Variants in SLC25A18 observed in about 807,000 individuals in gnomAD.
SLC25A18 encodes the protein solute carrier family 25 member 18, also known as mitochondrial glutamate carrier 2.
In SLC25A18, 24 loss-of-function variants were observed where a neutral mutation model predicts 31.1. That is an observed-to-expected ratio of 0.77 (90% CI 0.56 to 1.08). The LOEUF is 1.08. Among genes scored for constraint, SLC25A18 ranks in the 50% least tolerant of loss-of-function variants. The pLI, the probability that SLC25A18 is intolerant of heterozygous loss-of-function variation, is 0.00. For missense variants in SLC25A18, 371 were observed against 418.5 expected (o/e 0.89, Z 0.99); for synonymous variants, 173 against 161.9 (o/e 1.07, Z -0.52).
rs762940522 is a variant in SLC25A18 at position 17,587,999 on chromosome 22, G to C, written c.650G>C (p.Gly217Ala). Reference sequence around the variant, plus strand: ...AACCTGGGGTTCAACGAGCTCGCCGGTAAGGCGTCCTTTGCACATTCCTTC... The same window carrying C: ...AACCTGGGGTTCAACGAGCTCGCCGCTAAGGCGTCCTTTGCACATTCCTTC... ...LNNLGFNELA[G>A]KASFAHSFVS... The change falls in exon 9 of 11, where the codon GGT (glycine) becomes GCT (alanine). Residue 217 changes from glycine (G) to alanine (A), a missense_variant. Coordinates refer to ENST00000327451, the MANE Select transcript of SLC25A18 (RefSeq NM_031481.3). The C allele has an allele frequency of 1.2e-6, 2 of 1,614,212 alleles. No individual in the cohort carries two copies. The highest frequency in any genetic ancestry group is 2.2e-5 in the South Asian group (2 of 91,084).
chr22:17,584,909 C>T (rs907227779), intron 7 of SLC25A18, among the ~76,000 whole-genome samples: 2 of 151,310 alleles, frequency 1.3e-5, no homozygotes, highest in African/African-American at 4.9e-5. Context: ...GAGAATCATT[C>T]CCATTCTTTT....
chr22:17,576,254 A>AG, intron 2 of SLC25A18, among the ~76,000 whole-genome samples: 1 of 152,166 alleles, frequency 6.6e-6, no homozygotes, highest in South Asian at 2.1e-4. Flanking sequence ...CAGGAGGCTG[A>AG]GGCAGGAGAA....
intron 9 of SLC25A18, chr22:17,588,409 G>A: frequency 3.8e-6 from 1 of 266,108 alleles, no homozygotes; most frequent in South Asian, 4.5e-5. Context: ...CACTTTGGGA[G>A]CCCAGCACTT....
At chr22:17,565,912 C>G (rs2056925085) in intron 1 of SLC25A18, among the ~76,000 whole-genome samples, 1 of 152,030 alleles carries the variant, frequency 6.6e-6, no homozygotes, top group Admixed American at 6.6e-5. Context: ...AGGCTGGTCT[C>G]AAACTCCCAG....
At position 17,579,907 on chromosome 22, in the gene SLC25A18, C is replaced by T. The variant is rs765807885; in HGVS notation, c.-38C>T. On this transcript the variant is annotated 5_prime_UTR_variant, in exon 3 of 11. The change creates a premature stop within an existing upstream ORF in the 5' untranslated region. Transcript: ENST00000327451. ...CCCAACAGCGGCTACCCCAAGGAGC[C>T]AGCAGCCTTGTGTCCTGGGATCCCC... The T allele has an allele frequency of 3.0e-5, 48 of 1,603,958 alleles. No individual in the cohort carries two copies. In the Middle Eastern group the frequency reaches 6.6e-4, roughly 22 times the overall value.
At chr22:17,565,412 T>TA (rs2056910971) in intron 1 of SLC25A18, among the ~76,000 whole-genome samples, 1 of 152,006 alleles carries the variant, frequency 6.6e-6, no homozygotes, top group Admixed American at 6.6e-5. Flanking sequence ...AGATAGGGTC[T>TA]TGCCAAGTTG....
At position 17,588,096 on chromosome 22, in the gene SLC25A18, C is replaced by T. The variant is rs369071653; in HGVS notation, c.730+17C>T. On this transcript the variant is annotated intron_variant, in intron 9 of 10. Transcript: ENST00000327451. Reference sequence around the variant, plus strand: ...CTCTAGATGGTAAGGAGTTGGGAGACGTGTCCTTTCTATGGGATAAACAGT... The same window carrying T: ...CTCTAGATGGTAAGGAGTTGGGAGATGTGTCCTTTCTATGGGATAAACAGT... 5.6e-6 allele frequency: 9 copies of T among 1,613,414 alleles called. No homozygotes were observed. The highest frequency in any genetic ancestry group is 3.3e-5 in the South Asian group (3 of 90,966).
chr22:17,582,300 C>T (rs975432746), intron 5 of SLC25A18: 5 of 265,686 alleles, frequency 1.9e-5, no homozygotes, highest in Admixed American at 1.0e-4. Flanking sequence ...GGCGCGAACC[C>T]GGGAGGCGGA....
intron 7 of SLC25A18, among the ~76,000 whole-genome samples, chr22:17,586,010 T>C (rs1213538032): frequency 6.6e-6 from 1 of 152,108 alleles, no homozygotes; most frequent in African/African-American, 2.4e-5. Flanking sequence ...ATTGAACTTA[T>C]CAAATGATAG....
At chr22:17,572,896 C>T (rs145002122) in intron 2 of SLC25A18, among the ~76,000 whole-genome samples, 9,398 of 152,022 alleles carry the variant, frequency 0.062, 928 homozygotes, top group African/African-American at 0.22. Context: ...CCGCCTCGGC[C>T]TCCCGAAGTG....
At chr22:17,582,744 C>T in intron 6 of SLC25A18, 91 bp downstream of exon 6, 1 of 1,118,850 alleles carries the variant, frequency 8.9e-7, no homozygotes. Context: ...CTCAGTATAC[C>T]TGCCTGCATG....
chr22:17,587,262 T>C lies in SLC25A18; in HGVS notation c.536T>C (p.Leu179Pro). The change falls in exon 8 of 11, where the codon CTG becomes CCG. Residue 179 changes from leucine to proline, a missense_variant. Transcript: ENST00000327451. ...TGGGAGCTGCTCCGCACTCAGGGCC[T>C]GGCTGGGCTCTACAGGGGCCTGGGT... ...IAWELLRTQGLAGLYRGLGAT... is the reference protein window; with the variant it reads ...IAWELLRTQGPAGLYRGLGAT... 1.2e-6 allele frequency: 2 copies of C among 1,613,914 alleles called. No individual in the cohort carries two copies. The highest frequency in any genetic ancestry group is 1.7e-6 in the Non-Finnish European group (2 of 1,180,024).
rs374449964 is a variant in SLC25A18, at chr22:17,586,090, T to C, written c.410-1046T>C. On this transcript the variant is annotated intron_variant, in intron 7 of 10. Coordinates refer to ENST00000327451, the MANE Select transcript of SLC25A18 (RefSeq NM_031481.3). ...GTGGGAAGGACCTGCTCACCTTATC[T>C]TGGAGGACGAGCAGGAGGAGGTGAC... Among the ~76,000 whole-genome samples the C allele has an allele frequency of 3.9e-5, 6 of 152,294 alleles. No individual in the cohort carries two copies. The East Asian group carries it at 7.7e-4, about 20-fold the overall frequency.
In SLC25A18 at chr22:17,580,978, G is replaced by T. The variant is rs371760308; in HGVS notation, c.21-59G>T. 1,071 of 1,492,922 alleles carry T rather than the reference G, an allele frequency of 7.2e-4. 10 individuals are homozygous for T. Among genetic ancestry groups the T allele is most frequent in the East Asian group, 2.6e-3 (103 of 40,096 alleles). 92.5% of individuals were successfully genotyped at this position (1,492,922 alleles called of 1,614,324 possible). The stretch of plus-strand genomic sequence containing the variant: ...CCCCTGCCCATTCCTGGCTGCATCC[G>T]CTCCCTAACCTGCCCCTCCCTCTGC... On this transcript the variant is annotated intron_variant, in intron 3 of 10. Transcript: ENST00000327451.
At chr22:17,573,180 G>C (rs2057143220) in intron 2 of SLC25A18, among the ~76,000 whole-genome samples, 1 of 152,154 alleles carries the variant, frequency 6.6e-6, no homozygotes, top group South Asian at 2.1e-4. Flanking sequence ...AAAGGGAGCA[G>C]ATGTTCATTA....
At chr22:17,587,577 T>G (rs1169707541) in intron 8 of SLC25A18, among the ~76,000 whole-genome samples, 1 of 152,188 alleles carries the variant, frequency 6.6e-6, no homozygotes, top group East Asian at 1.9e-4. Flanking sequence ...AAGCCCTGTC[T>G]ACAGAGGACC....
chr22:17,581,886 C>G (rs1170494277), intron 5 of SLC25A18: 1 of 167,768 alleles, frequency 6.0e-6, no homozygotes, highest in Non-Finnish European at 1.3e-5. Context: ...AACACAAACC[C>G]TAGACAGCCC....
Position 17,572,974 on chromosome 22 carries a change from G to C in SLC25A18, c.-201+2988G>C, listed in dbSNP as rs145754164. Among the ~76,000 whole-genome samples the C allele has an allele frequency of 4.1e-3, 622 of 152,194 alleles. 4 individuals carry two copies. The highest frequency in any genetic ancestry group is 0.014 in the African/African-American group (594 of 41,516). The stretch of plus-strand genomic sequence containing the variant: ...ATAATTTTTTAAAAATTAACCGGGC[G>C]TGATGGTGCACACCTGTAGTCTCAA... On this transcript the variant is annotated intron_variant, in intron 2 of 10. Transcript: ENST00000327451.
In SLC25A18 at chr22:17,584,781, CAAAAAAAAA is replaced by C. The variant is rs66948770; in HGVS notation, c.409+1266_409+1274del. Among the ~76,000 whole-genome samples the C allele has an allele frequency of 3.6e-3, 73 of 20,066 alleles. 1 individual carries two copies. Among genetic ancestry groups the C allele is most frequent in the African/African-American group, 8.0e-3 (59 of 7,364 alleles). The allele number at this position is 20,066 out of a possible 152,430, so 13.2% of individuals were successfully genotyped here. The stretch of plus-strand genomic sequence containing the variant: ...GGAGGACAAAAGCGAGAATTCATCT[CAAAAAAAAA>C]AAAAAAAAAAAAAAAAAAGAAATGC... On this transcript the variant is annotated intron_variant, in intron 7 of 10. Coordinates refer to ENST00000327451, the MANE Select transcript of SLC25A18 (RefSeq NM_031481.3).
Sources: allele counts gnomAD v4.1 joint callset (sites outside exome capture counted in the v4.1 genomes callset), GRCh38; gene constraint gnomAD v4.1.1; transcripts MANE v1.5; gene names NCBI Gene and HGNC (gene_info 2026-07-23, HGNC 2026-07-21).